SGCZ: variants seen among roughly 807,000 people sequenced by gnomAD.
The protein encoded by SGCZ is sarcoglycan zeta, also known as zeta-sarcoglycan.
SGCZ carries 40 observed loss-of-function variants against 41.3 expected under a neutral mutation model. The ratio of observed to expected loss-of-function variants is 0.97; its 90% CI spans 0.75 to 1.26. The LOEUF is 1.26. SGCZ is among the 50% of genes most tolerant of loss of function. SGCZ has a pLI of 0.00. For missense variants in SGCZ, 552 were observed against 369.8 expected (o/e 1.49, Z -4.04); for synonymous variants, 206 against 137.5 (o/e 1.50, Z -3.49).
At chr8:15,029,623 T>C (rs2130956180) in intron 1 of SGCZ, among the ~76,000 whole-genome samples, 1 of 152,190 alleles carries the variant, frequency 6.6e-6, no homozygotes, top group East Asian at 1.9e-4. Flanking sequence ...CCTTTACTCA[T>C]AAGGGGGAAA....
intron 1 of SGCZ, among the ~76,000 whole-genome samples, chr8:15,094,173 C>T (rs1210251832): frequency 1.3e-5 from 2 of 151,368 alleles, no homozygotes; most frequent in African/African-American, 2.4e-5. Flanking sequence ...CTCACTCTGT[C>T]GCCCAGGATG....
intron 2 of SGCZ, among the ~76,000 whole-genome samples, chr8:14,348,012 T>C (rs1386149187): frequency 6.6e-6 from 1 of 152,092 alleles, no homozygotes; most frequent in Non-Finnish European, 1.5e-5. Flanking sequence ...CACGCTTCTC[T>C]ACATACTTTC....
intron 2 of SGCZ, among the ~76,000 whole-genome samples, chr8:14,518,843 C>T (rs541407988): frequency 1.5e-4 from 23 of 149,222 alleles, no homozygotes; most frequent in Non-Finnish European, 2.2e-4. Flanking sequence ...GATCACTTGA[C>T]GCCAGGAGTT....
chr8:14,294,526 A>T (rs1317554131), intron 3 of SGCZ, among the ~76,000 whole-genome samples: 1 of 152,056 alleles, frequency 6.6e-6, no homozygotes, highest in African/African-American at 2.4e-5. Context: ...CAGTACCAAA[A>T]TCATGAACCA....
Position 14,946,005 on chromosome 8 carries a change from CATATATATATATATATATATATATAT to C in SGCZ, c.39+291554_39+291579del, listed in dbSNP as rs34647526. 8.5e-3 allele frequency among the ~76,000 whole-genome samples: 127 copies of C among 14,884 alleles called. 2 individuals are homozygous for C. Among genetic ancestry groups the C allele is most frequent in the South Asian group, 0.078 (34 of 438 alleles). 9.8% of individuals were successfully genotyped at this position (14,884 alleles called of 152,430 possible). A position where few individuals can be genotyped will look rare whatever the true frequency, so the allele number is the denominator to read the frequency against. On this transcript the variant is annotated intron_variant, in intron 1 of 7. Transcript: ENST00000382080. Reference sequence around the variant, plus strand: ...AGCCAATTCCCCTACTAAATGTCCCCATATATATATATATATATATATATATATATATATATATATATATATATATG... The same window carrying C: ...AGCCAATTCCCCTACTAAATGTCCCCATATATATATATATATATATATATG...
intron 1 of SGCZ, among the ~76,000 whole-genome samples, chr8:14,784,021 C>G (rs1346726617): frequency 6.6e-6 from 1 of 151,018 alleles, no homozygotes; most frequent in African/African-American, 2.4e-5. Context: ...ATAATTCTAA[C>G]CTTTAAATTT....
chr8:14,267,447 G>A lies in SGCZ; in HGVS notation c.337-29768C>T, dbSNP rs184497169. 1.8e-4 allele frequency among the ~76,000 whole-genome samples: 27 copies of A among 152,172 alleles called. No individual in the cohort carries two copies. The East Asian group carries it at 4.6e-3, about 26-fold the overall frequency. Reference sequence around the variant, plus strand: ...GGTTTGCTATAAGATTTTGATAAGAGAAATAGTGAACTGGACATTAATGGT... The same window carrying A: ...GGTTTGCTATAAGATTTTGATAAGAAAAATAGTGAACTGGACATTAATGGT... On this transcript the variant is annotated intron_variant, in intron 3 of 7. Coordinates refer to ENST00000382080, the MANE Select transcript of SGCZ (RefSeq NM_139167.4).
chr8:14,871,288 G>A (rs1016028125), intron 1 of SGCZ, among the ~76,000 whole-genome samples: 3 of 152,132 alleles, frequency 2.0e-5, no homozygotes, highest in African/African-American at 7.2e-5. Flanking sequence ...CTGTTGGTGG[G>A]AGTGTAAATT....
In SGCZ at chr8:14,426,566, C is replaced by T. The variant is rs56168175; in HGVS notation, c.235-102362G>A. Among the ~76,000 whole-genome samples the T allele has an allele frequency of 4.4e-3, 667 of 152,136 alleles. 4 individuals carry two copies. Among genetic ancestry groups the T allele is most frequent in the Admixed American group, 0.011 (170 of 15,282 alleles). On this transcript the variant is annotated intron_variant, in intron 2 of 7. Transcript: ENST00000382080. ...GACGACAGAGATGAAAGCGATCATA[C>T]GCCTAAGGGAGAAGTTTTGTTTGTT... is the stretch of plus-strand genomic sequence containing the variant.
chr8:14,406,581 C>A (rs1241795243), intron 2 of SGCZ, among the ~76,000 whole-genome samples: 1 of 152,026 alleles, frequency 6.6e-6, no homozygotes, highest in Non-Finnish European at 1.5e-5. Context: ...AACTCTACTG[C>A]CCAGGTGGGG....
At chr8:15,180,886 CAAA>C (rs879712471) in intron 1 of SGCZ, among the ~76,000 whole-genome samples, 1 of 125,990 alleles carries the variant, frequency 7.9e-6, no homozygotes. Context: ...GACTCCATCT[CAAA>C]AAAAAAAAAG....
At chr8:14,341,037 T>G (rs1008194924) in intron 2 of SGCZ, among the ~76,000 whole-genome samples, 1 of 152,202 alleles carries the variant, frequency 6.6e-6, no homozygotes, top group Non-Finnish European at 1.5e-5. Context: ...ATACAACAAT[T>G]GTCCTTTTGT....
intron 2 of SGCZ, among the ~76,000 whole-genome samples, chr8:14,361,534 T>G (rs1239069702): frequency 6.6e-6 from 1 of 152,176 alleles, no homozygotes; most frequent in East Asian, 1.9e-4. Flanking sequence ...CTTCAAGAGG[T>G]CATTTAAGCT....
chr8:14,529,044 C>T (rs900316893), intron 2 of SGCZ, among the ~76,000 whole-genome samples: 3 of 152,004 alleles, frequency 2.0e-5, no homozygotes, highest in African/African-American at 7.2e-5. Context: ...ACATATTTCT[C>T]TCCTTCATAC....
intron 3 of SGCZ, 44 bp from the exon 4 acceptor site, chr8:14,237,723 C>G (rs368086207): frequency 6.4e-7 from 1 of 1,558,522 alleles, no homozygotes; most frequent in Non-Finnish European, 8.8e-7. Flanking sequence ...ATAGAAATAT[C>G]GTCAAATTTA....
chr8:15,142,155 T>G (rs1220619977), intron 1 of SGCZ, among the ~76,000 whole-genome samples: 1 of 152,166 alleles, frequency 6.6e-6, no homozygotes, highest in African/African-American at 2.4e-5. Context: ...GAGATGATTC[T>G]TTTCATAAAA....
chr8:14,754,838 G>A (rs1585233550), intron 1 of SGCZ, among the ~76,000 whole-genome samples: 1 of 152,142 alleles, frequency 6.6e-6, no homozygotes, highest in Non-Finnish European at 1.5e-5. Flanking sequence ...GGGACTGAAG[G>A]CAAGTCCCAA....
intron 1 of SGCZ, among the ~76,000 whole-genome samples, chr8:15,036,209 T>C (rs1563456479): frequency 6.6e-6 from 1 of 152,054 alleles, no homozygotes; most frequent in Non-Finnish European, 1.5e-5. Flanking sequence ...CTAGGATACA[T>C]AAACAAATTG....
At chr8:14,320,144 T>G (rs1801867204) in intron 3 of SGCZ, among the ~76,000 whole-genome samples, 1 of 151,904 alleles carries the variant, frequency 6.6e-6, no homozygotes, top group Admixed American at 6.6e-5. Context: ...TGGAGTGGTT[T>G]GTGTTTCTTT....
Sources: gnomAD v4.1 joint callset for allele counts (sites outside exome capture counted in the v4.1 genomes callset) on GRCh38, gnomAD v4.1.1 for gene constraint, MANE v1.5 for transcripts, NCBI Gene and HGNC (gene_info 2026-07-23, HGNC 2026-07-21) for gene names.